The following EDC3 variants were observed in gnomAD, a reference collection of about 807,000 sequenced individuals.
EDC3 encodes enhancer of mRNA decapping 3.
A neutral mutation model predicts 41.8 loss-of-function variants in EDC3; 20 were observed. The ratio of observed to expected loss-of-function variants is 0.48; its 90% CI spans 0.34 to 0.70. The LOEUF (loss-of-function observed/expected upper bound fraction) is 0.70, where lower values mean the gene tolerates loss of function less well. EDC3 is among the 30% of genes least tolerant of loss of function. The probability of loss-of-function intolerance (pLI) is 0.01; values close to 1 mark genes in which losing one functional copy is unlikely to be tolerated. For synonymous variants in EDC3, 206 were observed against 243.2 expected, an observed-to-expected ratio of 0.85 and a Z score of 1.42; for missense variants, 444 against 636.8, an observed-to-expected ratio of 0.70 and a Z score of 3.26.
intron 1 of EDC3, among the ~76,000 whole-genome samples, chr15:74,693,847 G>A (rs1421996495): frequency 6.6e-6 from 1 of 152,120 alleles, no homozygotes; most frequent in Non-Finnish European, 1.5e-5. Flanking sequence ...AGCCAGGCGT[G>A]GTGGTGCATG....
At chr15:74,652,231 CT>C (rs1458703072) in intron 4 of EDC3, among the ~76,000 whole-genome samples, 266 of 143,222 alleles carry the variant, frequency 1.9e-3, no homozygotes, top group East Asian at 3.0e-3. Context: ...TATATTTTTC[CT>C]TTTTTTTTTT....
intron 1 of EDC3, among the ~76,000 whole-genome samples, chr15:74,680,378 G>T (rs865991443): frequency 6.6e-6 from 1 of 151,800 alleles, no homozygotes; most frequent in South Asian, 2.1e-4. Flanking sequence ...CATATTAACA[G>T]GCTAAATAAG....
chr15:74,665,094 G>A lies in EDC3; in HGVS notation c.484+6361C>T, dbSNP rs1319463483. Among the ~76,000 whole-genome samples, 4 of 152,184 alleles carry A rather than the reference G, an allele frequency of 2.6e-5. No individual in the cohort carries two copies. The South Asian group carries it at 6.2e-4, about 24-fold the overall frequency. On this transcript the variant is annotated intron_variant, in intron 3 of 6. Transcript: ENST00000315127. ...GCTGGAGTGCAATGGCACGATCTCG[G>A]CTCACTGCAGCCTCCACCTCCCGGG...
intron 1 of EDC3, among the ~76,000 whole-genome samples, chr15:74,690,127 G>A (rs1298598294): frequency 2.0e-5 from 3 of 152,166 alleles, no homozygotes; most frequent in Admixed American, 1.3e-4. Flanking sequence ...CAATGTTTGT[G>A]CAGCTAGCTA....
chr15:74,630,561 G>C lies in EDC3; in HGVS notation c.*2051C>G, dbSNP rs2062189076. On this transcript the variant is annotated 3_prime_UTR_variant, in exon 7 of 7. Transcript: ENST00000315127. ...AGCAAGTCACACGGCACAGGACTCA[G>C]TCAGTCATTCAGCTTTATTTCAGTG... 1 of 151,440 alleles carries C rather than the reference G, an allele frequency of 6.6e-6. No homozygotes were observed. Among genetic ancestry groups the C allele is most frequent in the East Asian group, 1.9e-4 (1 of 5,206 alleles). 9.4% of individuals were successfully genotyped at this position (151,440 alleles called of 1,614,324 possible).
chr15:74,646,766 G>C (rs974509354), intron 4 of EDC3, among the ~76,000 whole-genome samples: 1 of 152,118 alleles, frequency 6.6e-6, no homozygotes, highest in East Asian at 1.9e-4. Flanking sequence ...GTTGACAGGG[G>C]TAGAAAGTAA....
chr15:74,650,187 T>C lies in EDC3; in HGVS notation c.820+5546A>G, dbSNP rs545692014. ...CAAGACCAGTCTTCCTAAAAGAGAT[T>C]TGGATCATGTCATTTTCCTATCCAA... On this transcript the variant is annotated intron_variant, in intron 4 of 6. Coordinates refer to ENST00000315127, the MANE Select transcript of EDC3 (RefSeq NM_025083.5). Among the ~76,000 whole-genome samples, 75 of 152,298 alleles carry C rather than the reference T, an allele frequency of 4.9e-4. 1 individual carries two copies. The highest frequency in any genetic ancestry group is 1.7e-3 in the African/African-American group (71 of 41,560).
intron 1 of EDC3, among the ~76,000 whole-genome samples, chr15:74,675,553 ATAAT>A (rs1051801527): frequency 1.3e-5 from 2 of 150,516 alleles, no homozygotes; most frequent in Non-Finnish European, 3.0e-5. Flanking sequence ...AATAATAATA[ATAAT>A]TAATAATAAT....
At chr15:74,634,509 T>C (rs932299209) in intron 6 of EDC3, among the ~76,000 whole-genome samples, 1 of 152,182 alleles carries the variant, frequency 6.6e-6, no homozygotes, top group African/African-American at 2.4e-5. Context: ...CCTATCAACA[T>C]TTCCACCTGC....
chr15:74,674,117 T>G (rs2062774209), intron 2 of EDC3, among the ~76,000 whole-genome samples: 1 of 152,134 alleles, frequency 6.6e-6, no homozygotes, highest in Admixed American at 6.5e-5. Context: ...TTTATTTATT[T>G]TTTTACAGAC....
chr15:74,640,330 C>A, intron 5 of EDC3, 136 bp downstream of exon 5: 1 of 1,008,300 alleles, frequency 9.9e-7, no homozygotes, highest in Non-Finnish European at 1.5e-6. Flanking sequence ...AGGAAAGTGA[C>A]TTCAGAGAGA....
intron 1 of EDC3, among the ~76,000 whole-genome samples, chr15:74,675,644 T>C (rs868121696): frequency 1.3e-5 from 2 of 149,604 alleles, no homozygotes; most frequent in Middle Eastern, 3.2e-3. Context: ...AGTGCAATGG[T>C]GCGAGGCGGG....
chr15:74,635,906 C>T, intron 5 of EDC3: 1 of 477,576 alleles, frequency 2.1e-6, no homozygotes. Flanking sequence ...CACCGCTTTG[C>T]TGACCCATGA....
At chr15:74,694,315 T>C (rs1005441126) in intron 1 of EDC3, among the ~76,000 whole-genome samples, 1 of 152,152 alleles carries the variant, frequency 6.6e-6, no homozygotes, top group African/African-American at 2.4e-5. Flanking sequence ...ATTTTTCTTT[T>C]CTTTTCTTTT....
At chr15:74,667,373 A>G (rs2062686888) in intron 3 of EDC3, among the ~76,000 whole-genome samples, 1 of 149,978 alleles carries the variant, frequency 6.7e-6, no homozygotes, top group Non-Finnish European at 1.5e-5. Flanking sequence ...TCTTGCTGTC[A>G]GCTATAAGGG....
At chr15:74,654,076 C>T (rs1379304497) in intron 4 of EDC3, among the ~76,000 whole-genome samples, 2 of 152,012 alleles carry the variant, frequency 1.3e-5, no homozygotes, top group Non-Finnish European at 2.9e-5. Flanking sequence ...CATAGTGAAA[C>T]CCCATCTCTA....
chr15:74,683,812 G>T (rs1596332548), intron 1 of EDC3, among the ~76,000 whole-genome samples: 1 of 152,010 alleles, frequency 6.6e-6, no homozygotes, highest in African/African-American at 2.4e-5. Flanking sequence ...AAGATAATTG[G>T]ACAAAATTTA....
chr15:74,683,368 C>G (rs1286784250), intron 1 of EDC3, among the ~76,000 whole-genome samples: 1 of 152,116 alleles, frequency 6.6e-6, no homozygotes, highest in East Asian at 1.9e-4. Flanking sequence ...AGCCTCGTCT[C>G]TACCAAAAAT....
At chr15:74,675,523 C>T (rs2062795116) in intron 1 of EDC3, among the ~76,000 whole-genome samples, 1 of 149,318 alleles carries the variant, frequency 6.7e-6, no homozygotes, top group Non-Finnish European at 1.5e-5. Flanking sequence ...ACTGATAATG[C>T]CACTCTTGCT....
Sources: gnomAD v4.1 joint callset for allele counts (sites outside exome capture counted in the v4.1 genomes callset) on GRCh38, gnomAD v4.1.1 for gene constraint, MANE v1.5 for transcripts, NCBI Gene and HGNC (gene_info 2026-07-23, HGNC 2026-07-21) for gene names.